The following CEP95 variants were observed in gnomAD, a reference collection of about 807,000 sequenced individuals.
The protein encoded by CEP95 is centrosomal protein 95.
In CEP95, 98 loss-of-function variants were observed where a neutral mutation model predicts 111.2. The observed-to-expected ratio is 0.88, with a 90% CI of 0.75 to 1.04. The LOEUF is 1.04. CEP95 is among the 50% of genes least tolerant of loss of function. The pLI is 0.00. For synonymous variants in CEP95, 323 were observed against 327.1 expected, an observed-to-expected ratio of 0.99 and a Z score of 0.14; for missense variants, 1,027 against 977.2, an observed-to-expected ratio of 1.05 and a Z score of -0.68.
intron 17 of CEP95, chr17:64,535,368 A>G (rs2144549989): frequency 6.4e-6 from 1 of 156,416 alleles, no homozygotes; most frequent in East Asian, 1.9e-4. Flanking sequence ...ACAAGTGCGC[A>G]TATCCAAGCC....
In CEP95 at chr17:64,521,384, T is replaced by G. The variant is rs1034021310; in HGVS notation, c.590-18T>G. ...TTTTGATAGTTAAAAATTTTACCTT[T>G]AATATTTTCTTTCCTAGGTGCTCAA... is the stretch of plus-strand genomic sequence containing the variant. On this transcript the variant is annotated intron_variant, in intron 6 of 19. Coordinates refer to ENST00000556440, the MANE Select transcript of CEP95 (RefSeq NM_138363.3). 1.9e-6 allele frequency: 3 copies of G among 1,590,378 alleles called. No homozygotes were observed. The highest frequency in any genetic ancestry group is 3.5e-5 in the Admixed American group (2 of 56,654).
At chr17:64,523,699 G>A (rs1967561619) in intron 8 of CEP95, among the ~76,000 whole-genome samples, 1 of 152,156 alleles carries the variant, frequency 6.6e-6, no homozygotes, top group Non-Finnish European at 1.5e-5. Flanking sequence ...GCCAGAGTTT[G>A]AGACCACCCT....
intron 7 of CEP95, 110 bp downstream of exon 7, chr17:64,521,637 C>A: frequency 1.2e-6 from 1 of 837,164 alleles, no homozygotes; most frequent in Non-Finnish European, 1.7e-6. Context: ...CCTTTTTGGT[C>A]TTACATGATC....
At chr17:64,510,103 A>T (rs2144334120) in intron 2 of CEP95, 70 bp from the exon 3 acceptor site, 1 of 793,966 alleles carries the variant, frequency 1.3e-6, no homozygotes, top group Non-Finnish European at 2.2e-6. Context: ...TCAGTAGCCT[A>T]GTCAGAGACA....
intron 3 of CEP95, among the ~76,000 whole-genome samples, chr17:64,510,854 G>A (rs1555674706): frequency 6.6e-6 from 1 of 152,170 alleles, no homozygotes; most frequent in Non-Finnish European, 1.5e-5. Context: ...CCTGGCCTTC[G>A]GGGAACCTGC....
chr17:64,510,741 A>G (rs1482068204), intron 3 of CEP95, among the ~76,000 whole-genome samples: 1 of 151,998 alleles, frequency 6.6e-6, no homozygotes, highest in Non-Finnish European at 1.5e-5. Context: ...TGTAAAGACA[A>G]GAGTTTCGCC....
chr17:64,506,774 C>T (rs1325480759), upstream of CEP95: 2 of 524,446 alleles, frequency 3.8e-6, no homozygotes, highest in South Asian at 2.1e-5. Flanking sequence ...GCTGCTCGCA[C>T]CCCGGGACCC....
intron 6 of CEP95, chr17:64,520,460 T>G (rs1335599800): frequency 9.4e-4 from 1 of 1,062 alleles, no homozygotes; most frequent in South Asian, 0.05. Context: ...ACCATAGTCT[T>G]TTTTTTTTTT....
rs1555674491 is a variant in CEP95 at position 64,510,225 on chromosome 17, A to C, written c.201A>C (p.Ala67=). The C allele has an allele frequency of 1.2e-6, 2 of 1,612,282 alleles. No homozygotes were observed. The highest frequency in any genetic ancestry group is 2.7e-5 in the African/African-American group (2 of 74,894). ...AAGATGATGCACACAATGTACAAGC[A>C]GTAATTGATTCACTGGCCTTGGACT... ...SQEDDAHNVQ[A]VIDSLALDYL... The change falls in exon 3 of 20, where the codon GCA becomes GCC. Residue 67 remains alanine (A), a synonymous_variant. Transcript: ENST00000556440.
intron 1 of CEP95, chr17:64,508,011 C>T (rs1351672158): frequency 3.9e-5 from 38 of 984,976 alleles, no homozygotes; most frequent in Non-Finnish European, 4.5e-5. Flanking sequence ...TATTTTCTTT[C>T]ATATAGATCG....
At position 64,530,915 on chromosome 17, in the gene CEP95, T is replaced by C; in HGVS notation, c.1447-11T>C. ...TTTAATAACTGTAATATATGACCTT[T>C]TCCCCTTTAGGCGTTTACTGAAGCA... On this transcript the variant is annotated splice_polypyrimidine_tract_variant and intron_variant, in intron 12 of 19. Transcript: ENST00000556440. 6 of 1,498,954 alleles carry C rather than the reference T, an allele frequency of 4.0e-6. No homozygotes were observed. Among genetic ancestry groups the C allele is most frequent in the African/African-American group, 1.4e-5 (1 of 71,822 alleles). The allele number at this position is 1,498,954 out of a possible 1,614,324, so 92.9% of individuals were successfully genotyped here.
chr17:64,518,952 A>AT (rs764028601), intron 5 of CEP95, among the ~76,000 whole-genome samples: 2 of 152,184 alleles, frequency 1.3e-5, no homozygotes, highest in Non-Finnish European at 2.9e-5. Context: ...AAGTGCTAGG[A>AT]TTACAGGTGT....
chr17:64,520,416 T>G (rs1967224555), intron 6 of CEP95: 1 of 151,958 alleles, frequency 6.6e-6, no homozygotes. Flanking sequence ...GTCATATACA[T>G]TCACAGGCAT....
intron 5 of CEP95, among the ~76,000 whole-genome samples, chr17:64,518,100 C>G (rs1456458238): frequency 4.6e-5 from 7 of 152,140 alleles, no homozygotes; most frequent in African/African-American, 1.4e-4. Flanking sequence ...TGGTCTTGAA[C>G]TCCTGACCTC....
chr17:64,513,268 A>G (rs901579807), intron 3 of CEP95, among the ~76,000 whole-genome samples: 7 of 152,128 alleles, frequency 4.6e-5, no homozygotes, highest in Non-Finnish European at 7.4e-5. Flanking sequence ...CCAAATGTCA[A>G]ATTTCTACAC....
intron 5 of CEP95, among the ~76,000 whole-genome samples, chr17:64,517,640 C>CT (rs1341623628): frequency 6.6e-5 from 10 of 150,674 alleles, no homozygotes; most frequent in Admixed American, 6.6e-4. Flanking sequence ...AACTCCTGAG[C>CT]TTAAGCCCAA....
At chr17:64,524,331 CAG>C (rs1555678612) in intron 8 of CEP95, among the ~76,000 whole-genome samples, 1 of 151,818 alleles carries the variant, frequency 6.6e-6, no homozygotes, top group African/African-American at 2.4e-5. Flanking sequence ...TTTTTTGAGA[CAG>C]AGTGTCGCTG....
chr17:64,530,879 T>C, intron 12 of CEP95, 47 bp from the exon 13 acceptor site: 1 of 1,115,794 alleles, frequency 9.0e-7, no homozygotes, highest in Non-Finnish European at 1.3e-6. Context: ...GTGCTGCCCG[T>C]TGTGTATGTT....
Position 64,537,840 on chromosome 17 carries a change from T to A in CEP95, c.*61T>A. 9.4e-7 allele frequency: 1 copy of A among 1,060,216 alleles called. No homozygotes were observed. The allele number at this position is 1,060,216 out of a possible 1,614,324, so 65.7% of individuals were successfully genotyped here. A position where few individuals can be genotyped will look rare whatever the true frequency, so the allele number is the denominator to read the frequency against. On this transcript the variant is annotated 3_prime_UTR_variant, in exon 20 of 20. Transcript: ENST00000556440. The stretch of plus-strand genomic sequence containing the variant: ...GGCCTTTACCAGGACAGAGCTAGAA[T>A]CGAGCCAGTAAACAGTCTAAGCCAG...
Sources: gnomAD v4.1 joint callset for allele counts (sites outside exome capture counted in the v4.1 genomes callset) on GRCh38, gnomAD v4.1.1 for gene constraint, MANE v1.5 for transcripts, NCBI Gene and HGNC (gene_info 2026-07-23, HGNC 2026-07-21) for gene names.